DOCK3: variants seen among roughly 807,000 people sequenced by gnomAD.
DOCK3 encodes dedicator of cytokinesis protein 3.
DOCK3 carries 60 observed loss-of-function variants against 265.6 expected under a neutral mutation model. That is an observed-to-expected ratio of 0.23 (90% CI 0.18 to 0.28). The LOEUF is 0.28. Ranked by LOEUF, DOCK3 falls within the 10% of genes least tolerant of loss-of-function variation. DOCK3 has a pLI of 1.00. For synonymous variants in DOCK3, 881 were observed against 938.0 expected (o/e 0.94, Z 1.11); for missense variants, 1,981 against 2,594.3 (o/e 0.76, Z 5.14).
At position 51,383,248 on chromosome 3, in the gene DOCK3, C is replaced by T. The variant is rs1250151254; in HGVS notation, c.*1689C>T. On this transcript the variant is annotated 3_prime_UTR_variant, in exon 53 of 53. Coordinates refer to ENST00000266037, the MANE Select transcript of DOCK3 (RefSeq NM_004947.5). ...GGTCTAAATTACCTCCAGGGTTTTTCTGGGGGTTTATCACCAGTGTGGGTC... is the reference window on the plus strand; with the variant it reads ...GGTCTAAATTACCTCCAGGGTTTTTTTGGGGGTTTATCACCAGTGTGGGTC... 2 of 152,504 alleles carry T rather than the reference C, an allele frequency of 1.3e-5. No individual in the cohort carries two copies. Among genetic ancestry groups the T allele is most frequent in the African/African-American group, 4.8e-5 (2 of 41,452 alleles). 9.4% of individuals were successfully genotyped at this position (152,504 alleles called of 1,614,324 possible).
chr3:51,173,844 C>T (rs11130280), intron 12 of DOCK3, among the ~76,000 whole-genome samples: 124,985 of 152,132 alleles, frequency 0.82, 51,931 homozygotes, highest in Middle Eastern at 0.9. Flanking sequence ...GTCCTTATCT[C>T]TCCTATGATT....
At chr3:51,027,862 G>C (rs1441374396) in intron 5 of DOCK3, among the ~76,000 whole-genome samples, 1 of 86,638 alleles carries the variant, frequency 1.2e-5, no homozygotes, top group Non-Finnish European at 2.4e-5. Context: ...GCAGTAGAAA[G>C]TTGGATCTCA....
At chr3:50,822,666 T>G (rs1285685929) in intron 2 of DOCK3, among the ~76,000 whole-genome samples, 5 of 149,572 alleles carry the variant, frequency 3.3e-5, no homozygotes, top group Non-Finnish European at 6.0e-5. Context: ...CCAGCTAATT[T>G]TTAAATTTTT....
chr3:51,201,226 T>G lies in DOCK3; in HGVS notation c.1038-7548T>G, dbSNP rs545299407. On this transcript the variant is annotated intron_variant, in intron 12 of 52. Coordinates refer to ENST00000266037, the MANE Select transcript of DOCK3 (RefSeq NM_004947.5). Reference sequence around the variant, plus strand: ...AATGCTCCAATTAAAAGACACAGACTGGCAAATTGGATAAAGAGTCAAGAC... The same window carrying G: ...AATGCTCCAATTAAAAGACACAGACGGGCAAATTGGATAAAGAGTCAAGAC... Among the ~76,000 whole-genome samples the G allele has an allele frequency of 5.3e-3, 793 of 150,990 alleles. 8 individuals are homozygous for G. The highest frequency in any genetic ancestry group is 0.018 in the African/African-American group (740 of 41,114).
At chr3:50,998,358 G>T (rs2108666942) in intron 5 of DOCK3, among the ~76,000 whole-genome samples, 1 of 152,276 alleles carries the variant, frequency 6.6e-6, no homozygotes. Flanking sequence ...TAGAATCTCT[G>T]AAGATGGGGC....
chr3:51,199,221 A>G (rs9859178), intron 12 of DOCK3, among the ~76,000 whole-genome samples: 138,650 of 152,228 alleles, frequency 0.91, 63,284 homozygotes, highest in African/African-American at 0.95. Flanking sequence ...TGCGTGAGCC[A>G]AAGCAGGGCG....
Position 51,227,313 on chromosome 3 carries a change from A to G in DOCK3, c.1408A>G (p.Asn470Asp), listed in dbSNP as rs2090368288. 4 of 1,613,862 alleles carry G rather than the reference A, an allele frequency of 2.5e-6. No homozygotes were observed. The highest frequency in any genetic ancestry group is 4.5e-5 in the East Asian group (2 of 44,870). The stretch of plus-strand genomic sequence containing the variant: ...CATCAGCTTGGGTTCAGGAGAGCCA[A>G]ATAGGAGTTCCTACCACTCCTTTGT... ...DCISLGSGEPNRSSYHSFVLY... is the reference protein window; with the variant it reads ...DCISLGSGEPDRSSYHSFVLY... Residue 470 changes from asparagine to aspartate, a missense_variant, in exon 16 of 53, where the codon AAT (asparagine) becomes GAT (aspartate). This residue lies in a region of DOCK3 where 1,357 missense variants were observed against 1,866.8 expected (regional missense o/e 0.73). Transcript: ENST00000266037.
chr3:50,763,471 T>C lies in DOCK3; in HGVS notation c.38-15204T>C, dbSNP rs1301648261. On this transcript the variant is annotated intron_variant, in intron 1 of 52. Transcript: ENST00000266037. ...CTAACTTCTGTATTTTTAGTAGAGA[T>C]GGGGTTTTGCCACATTGGCCAGGCT... Among the ~76,000 whole-genome samples, 5 of 152,034 alleles carry C rather than the reference T, an allele frequency of 3.3e-5. No individual in the cohort carries two copies. The East Asian group carries it at 5.8e-4, about 18-fold the overall frequency.
chr3:51,229,293 A>T (rs565077999), intron 18 of DOCK3, among the ~76,000 whole-genome samples: 12 of 152,342 alleles, frequency 7.9e-5, no homozygotes, highest in African/African-American at 2.6e-4. Flanking sequence ...TCTACTAAAA[A>T]TACGAAAATT....
chr3:50,909,081 A>G (rs1312289472), intron 4 of DOCK3, among the ~76,000 whole-genome samples: 1 of 151,304 alleles, frequency 6.6e-6, no homozygotes, highest in Non-Finnish European at 1.5e-5. Flanking sequence ...ATTTTCCTCC[A>G]TCTCTTTATT....
At chr3:51,278,309 G>A in intron 26 of DOCK3, 1 of 985,382 alleles carries the variant, frequency 1.0e-6, no homozygotes, top group Non-Finnish European at 1.2e-6. Context: ...AACTGGGAAG[G>A]CTTCTCAGGA....
chr3:50,990,224 A>G (rs1235914366), intron 5 of DOCK3, among the ~76,000 whole-genome samples: 1 of 152,250 alleles, frequency 6.6e-6, no homozygotes, highest in East Asian at 1.9e-4. Context: ...AACGACTTGG[A>G]AAACATGTTT....
intron 12 of DOCK3, among the ~76,000 whole-genome samples, chr3:51,166,164 C>T (rs1384129362): frequency 1.3e-5 from 2 of 151,588 alleles, no homozygotes; most frequent in East Asian, 3.9e-4. Flanking sequence ...AATTCTCCTG[C>T]CTCAGCCTCC....
At chr3:50,967,455 C>T (rs943628009) in intron 5 of DOCK3, among the ~76,000 whole-genome samples, 4 of 152,156 alleles carry the variant, frequency 2.6e-5, no homozygotes, top group Non-Finnish European at 5.9e-5. Flanking sequence ...GAATAGTGCC[C>T]TGATAAATGG....
intron 5 of DOCK3, among the ~76,000 whole-genome samples, chr3:51,060,186 T>TATAA (rs1553748251): frequency 6.7e-6 from 1 of 149,944 alleles, no homozygotes; most frequent in Non-Finnish European, 1.5e-5. Context: ...CTATTGCATA[T>TATAA]AAAAAAAAAG....
chr3:50,944,011 A>G (rs1432370775), intron 5 of DOCK3, among the ~76,000 whole-genome samples: 1 of 152,194 alleles, frequency 6.6e-6, no homozygotes, highest in Non-Finnish European at 1.5e-5. Context: ...TGTTTTTGAT[A>G]TGAATTATAT....
At chr3:51,305,427 A>G (rs1272848251) in intron 27 of DOCK3, among the ~76,000 whole-genome samples, 1 of 152,044 alleles carries the variant, frequency 6.6e-6, no homozygotes, top group African/African-American at 2.4e-5. Context: ...CCATTCTTTT[A>G]CTTTCAATGT....
intron 32 of DOCK3, among the ~76,000 whole-genome samples, chr3:51,324,257 C>G (rs2083936836): frequency 6.6e-6 from 1 of 152,220 alleles, no homozygotes; most frequent in Non-Finnish European, 1.5e-5. Flanking sequence ...GTGCAAAAAT[C>G]ACAAGCATTC....
intron 2 of DOCK3, among the ~76,000 whole-genome samples, chr3:50,817,510 T>C (rs1444178687): frequency 6.6e-6 from 1 of 152,060 alleles, no homozygotes; most frequent in Non-Finnish European, 1.5e-5. Context: ...TTGCGCAGGC[T>C]AGTCTTGAAC....
Sources: gnomAD v4.1 joint callset for allele counts (sites outside exome capture counted in the v4.1 genomes callset) on GRCh38, gnomAD v4.1.1 for gene constraint, gnomAD v4.1.1 regional missense constraint, MANE v1.5 for transcripts, NCBI Gene and HGNC (gene_info 2026-07-23, HGNC 2026-07-21) for gene names.